The following GHR variants were observed in gnomAD, a reference collection of about 807,000 sequenced individuals.
GHR encodes the protein growth hormone receptor.
Under a neutral mutation model 67.1 loss-of-function variants are expected in GHR, and 35 were observed. The observed-to-expected ratio is 0.52, with a 90% CI of 0.40 to 0.69. GHR has a LOEUF of 0.69. Among genes scored for constraint, GHR ranks in the 30% least tolerant of loss-of-function variants. The probability of loss-of-function intolerance (pLI) is 0.00; values close to 1 mark genes in which losing one functional copy is unlikely to be tolerated. For synonymous variants in GHR, 272 were observed against 269.1 expected, an observed-to-expected ratio of 1.01 and a Z score of -0.10; for missense variants, 792 against 764.6, an observed-to-expected ratio of 1.04 and a Z score of -0.42.
chr5:42,468,694 G>A (rs755709337), intron 1 of GHR: 26 of 983,828 alleles, frequency 2.6e-5, no homozygotes, highest in Non-Finnish European at 3.9e-5. Flanking sequence ...GAGTTGGTCT[G>A]GGTCGCAGCC....
intron 1 of GHR, among the ~76,000 whole-genome samples, chr5:42,471,514 G>A (rs764429464): frequency 3.3e-5 from 5 of 152,210 alleles, no homozygotes; most frequent in Non-Finnish European, 5.9e-5. Flanking sequence ...AGAGCATGTG[G>A]ATAGGTAGCA....
At chr5:42,656,072 A>G (rs1580135640) in intron 3 of GHR, among the ~76,000 whole-genome samples, 1 of 152,188 alleles carries the variant, frequency 6.6e-6, no homozygotes, top group Admixed American at 6.5e-5. Flanking sequence ...CCACAAAATC[A>G]GTCATACAGA....
At chr5:42,451,499 T>C (rs186839668) in intron 1 of GHR, among the ~76,000 whole-genome samples, 87 of 152,124 alleles carry the variant, frequency 5.7e-4, no homozygotes, top group Admixed American at 4.5e-3. Flanking sequence ...CCCAGCACTT[T>C]GGGAGGCCAA....
At chr5:42,588,548 A>AAAAAAAAAAAAAAAAT (rs1209175021) in intron 2 of GHR, among the ~76,000 whole-genome samples, 1 of 150,566 alleles carries the variant, frequency 6.6e-6, no homozygotes, top group Non-Finnish European at 1.5e-5. Flanking sequence ...AAAAAAAAAA[A>AAAAAAAAAAAAAAAAT]AAAGTGACCT....
At chr5:42,464,317 C>T (rs191714356) in intron 1 of GHR, among the ~76,000 whole-genome samples, 2 of 152,270 alleles carry the variant, frequency 1.3e-5, no homozygotes, top group Admixed American at 1.3e-4. Flanking sequence ...TCTTTGTGTT[C>T]TAAATGAAAG....
At chr5:42,565,371 G>A (rs191016810) in intron 1 of GHR, 12 of 769,388 alleles carry the variant, frequency 1.6e-5, no homozygotes, top group African/African-American at 1.9e-5. Context: ...TTAGCAACTC[G>A]TTTTGAGTGG....
chr5:42,468,818 A>G lies in GHR; in HGVS notation c.-12+44863A>G. ...GATTAGTTGTCAAATAACTGGTCGAATCGGTTGGTGACCAGGCAGCTGAAG... is the reference window on the plus strand; with the variant it reads ...GATTAGTTGTCAAATAACTGGTCGAGTCGGTTGGTGACCAGGCAGCTGAAG... On this transcript the variant is annotated intron_variant, in intron 1 of 9. Coordinates refer to ENST00000230882, the MANE Select transcript of GHR (RefSeq NM_000163.5). 7 of 1,022,236 alleles carry G rather than the reference A, an allele frequency of 6.8e-6. No individual in the cohort carries two copies. The South Asian group carries it at 1.1e-4, about 16-fold the overall frequency. The allele number at this position is 1,022,236 out of a possible 1,614,324, so 63.3% of individuals were successfully genotyped here. A position where few individuals can be genotyped will look rare whatever the true frequency, so the allele number is the denominator to read the frequency against.
intron 1 of GHR, among the ~76,000 whole-genome samples, chr5:42,425,538 G>C (rs771682569): frequency 6.6e-6 from 1 of 152,208 alleles, no homozygotes; most frequent in Non-Finnish European, 1.5e-5. Flanking sequence ...CAGCAGACAG[G>C]ATTGTTGATT....
At chr5:42,711,710 G>T (rs1402086016) in intron 7 of GHR, among the ~76,000 whole-genome samples, 1 of 151,890 alleles carries the variant, frequency 6.6e-6, no homozygotes, top group Non-Finnish European at 1.5e-5. Context: ...AGTTTGTTTT[G>T]AATTTATAAT....
intron 1 of GHR, among the ~76,000 whole-genome samples, chr5:42,556,888 T>G (rs1749340235): frequency 6.6e-6 from 1 of 152,220 alleles, no homozygotes. Flanking sequence ...ATTTGGCTAC[T>G]GACATGCCCC....
intron 3 of GHR, among the ~76,000 whole-genome samples, chr5:42,642,426 T>C (rs1344992251): frequency 1.3e-5 from 2 of 152,050 alleles, no homozygotes; most frequent in East Asian, 3.9e-4. Context: ...TTACTTTCTC[T>C]ACAAAAAAGA....
At chr5:42,584,241 T>C (rs1278529425) in intron 2 of GHR, among the ~76,000 whole-genome samples, 1 of 152,166 alleles carries the variant, frequency 6.6e-6, no homozygotes, top group Non-Finnish European at 1.5e-5. Context: ...AGGCTCGAGG[T>C]ACTAAATTTA....
At chr5:42,507,699 G>C (rs1446587001) in intron 1 of GHR, among the ~76,000 whole-genome samples, 2 of 152,180 alleles carry the variant, frequency 1.3e-5, no homozygotes, top group Non-Finnish European at 2.9e-5. Flanking sequence ...ATCTCTTCTG[G>C]ACCTGGAGCT....
chr5:42,579,080 TAGATAGATAGATAG>T (rs1346754266), intron 2 of GHR, among the ~76,000 whole-genome samples: 2 of 58,414 alleles, frequency 3.4e-5, no homozygotes, highest in Non-Finnish European at 7.5e-5. Context: ...ACACTATAGA[TAGATAGATAGATAG>T]ATAGATAGAT....
intron 1 of GHR, among the ~76,000 whole-genome samples, chr5:42,447,083 A>C (rs1743834905): frequency 1.3e-5 from 2 of 152,128 alleles, no homozygotes; most frequent in Non-Finnish European, 2.9e-5. Context: ...CAAATCTGCT[A>C]TTTCTTCACT....
intron 1 of GHR, among the ~76,000 whole-genome samples, chr5:42,532,178 T>C (rs1248008336): frequency 6.6e-6 from 1 of 152,132 alleles, no homozygotes; most frequent in Non-Finnish European, 1.5e-5. Context: ...CCTGATCATA[T>C]AACAATAAGT....
intron 4 of GHR, among the ~76,000 whole-genome samples, chr5:42,690,661 A>G (rs150110202): frequency 2.0e-4 from 31 of 152,270 alleles, no homozygotes; most frequent in Admixed American, 4.6e-4. Context: ...AAATACTTGG[A>G]GTTAGCAACC....
chr5:42,533,206 G>T (rs1363116751), intron 1 of GHR, among the ~76,000 whole-genome samples: 1 of 151,850 alleles, frequency 6.6e-6, no homozygotes, highest in East Asian at 1.9e-4. Flanking sequence ...TTTTCATAGG[G>T]CCATTTAAAT....
At chr5:42,454,947 T>C (rs927448562) in intron 1 of GHR, among the ~76,000 whole-genome samples, 5 of 152,088 alleles carry the variant, frequency 3.3e-5, no homozygotes, top group African/African-American at 9.7e-5. Flanking sequence ...TGGAAGCTTC[T>C]TTCACCTTGT....
Sources: allele counts gnomAD v4.1 joint callset (sites outside exome capture counted in the v4.1 genomes callset), GRCh38; gene constraint gnomAD v4.1.1; transcripts MANE v1.5; gene names NCBI Gene and HGNC (gene_info 2026-07-23, HGNC 2026-07-21).